LARS1: variants seen among roughly 807,000 people sequenced by gnomAD.
LARS1 encodes leucyl-tRNA synthetase 1, also known as leucine--tRNA ligase, cytoplasmic.
Under a neutral mutation model 162.8 loss-of-function variants are expected in LARS1, and 100 were observed. That is an observed-to-expected ratio of 0.61 (90% CI 0.52 to 0.73). The LOEUF is 0.73. Among genes scored for constraint, LARS1 ranks in the 30% least tolerant of loss-of-function variants. The pLI is 0.00. For missense variants in LARS1, 1,258 were observed against 1,408.9 expected (o/e 0.89, Z 1.71); for synonymous variants, 457 against 462.8 (o/e 0.99, Z 0.16).
In LARS1 at chr5:146,132,954, G is replaced by A; in HGVS notation, c.2340C>T (p.Asn780=). The A allele has an allele frequency of 1.2e-6, 2 of 1,614,108 alleles. No homozygotes were observed. Among genetic ancestry groups the A allele is most frequent in the Non-Finnish European group, 1.7e-6 (2 of 1,179,986 alleles). The change falls in exon 23 of 32, where the codon AAC becomes AAT. Residue 780 remains asparagine (N), a synonymous_variant. Coordinates refer to ENST00000394434, the MANE Select transcript of LARS1 (RefSeq NM_020117.11). ...CAGGACCACTTCTTAGGCTGTCCCA[G>A]TTGGCAACCATTTCTTTCACCCACT... ...WVEWVKEMVA[N]WDSLRSGPAS...
intron 1 of LARS1, 32 bp from the exon 2 acceptor site, chr5:146,177,697 T>C (rs1406597366): frequency 8.6e-7 from 1 of 1,160,922 alleles, no homozygotes; most frequent in Non-Finnish European, 1.3e-6. Context: ...ATCCACTCTG[T>C]ATTTCAGCAC....
intron 15 of LARS1, among the ~76,000 whole-genome samples, chr5:146,145,440 A>C (rs548353786): frequency 6.6e-6 from 1 of 152,270 alleles, no homozygotes; most frequent in East Asian, 1.9e-4. Flanking sequence ...AAGATATACA[A>C]AGACTAAACA....
At chr5:146,151,339 T>C (rs1753280534) in intron 14 of LARS1, among the ~76,000 whole-genome samples, 1 of 152,178 alleles carries the variant, frequency 6.6e-6, no homozygotes, top group South Asian at 2.1e-4. Flanking sequence ...TAATAACTTG[T>C]TTGGATTTTT....
In LARS1 at chr5:146,154,772, C is replaced by T. The variant is rs567230610; in HGVS notation, c.1066-792G>A. 1.3e-3 allele frequency among the ~76,000 whole-genome samples: 197 copies of T among 151,798 alleles called. 2 individuals carry two copies. The highest frequency in any genetic ancestry group is 4.4e-3 in the African/African-American group (183 of 41,390). On this transcript the variant is annotated intron_variant, in intron 10 of 31. Coordinates refer to ENST00000394434, the MANE Select transcript of LARS1 (RefSeq NM_020117.11). ...CAGCCTGGGTGACAGAGGGAGACCC[C>T]GTCTCAAAAAATAAAGAAAAGAATA...
At chr5:146,142,678 G>A in intron 20 of LARS1, 194 bp downstream of exon 20, 2 of 528,654 alleles carry the variant, frequency 3.8e-6, no homozygotes, top group Admixed American at 3.5e-5. Context: ...TGGTGCCTGG[G>A]GTAGGTATGT....
chr5:146,149,718 A>AG lies in LARS1; in HGVS notation c.1426-20dup. 1.3e-6 allele frequency: 2 copies of AG among 1,560,182 alleles called. No individual in the cohort carries two copies. The highest frequency in any genetic ancestry group is 1.8e-6 in the Non-Finnish European group (2 of 1,131,490). ...ACATGATCTAAAAGGATGAGAGGGG[A>AG]GAAAAACCACATATAAAACAGTTAG... On this transcript the variant is annotated intron_variant, in intron 14 of 31. Coordinates refer to ENST00000394434, the MANE Select transcript of LARS1 (RefSeq NM_020117.11).
chr5:146,120,415 TCA>T lies in LARS1; in HGVS notation c.3279_3280del (p.Cys1093Ter). 1 of 1,613,384 alleles carries T rather than the reference TCA, an allele frequency of 6.2e-7. No individual in the cohort carries two copies. The highest frequency in any genetic ancestry group is 8.5e-7 in the Non-Finnish European group (1 of 1,179,512). Reference sequence around the variant, plus strand: ...TTTCATTAAACGCCTGATTATGGAATCACAGTTATCTCCTTGCCTGATTTCAA... The same window carrying T: ...TTTCATTAAACGCCTGATTATGGAATCAGTTATCTCCTTGCCTGATTTCAA... On this transcript the variant is annotated stop_gained and frameshift_variant, in exon 31 of 32. Coordinates refer to ENST00000394434, the MANE Select transcript of LARS1 (RefSeq NM_020117.11). LOFTEE classifies it high-confidence loss of function.
intron 31 of LARS1, 103 bp downstream of exon 31, chr5:146,120,268 C>T: frequency 5.8e-6 from 7 of 1,208,868 alleles, no homozygotes; most frequent in Non-Finnish European, 8.4e-6. Flanking sequence ...TAATAATACA[C>T]AGCTGTCCAT....
chr5:146,116,396 A>T (rs1764212584), intron 31 of LARS1, among the ~76,000 whole-genome samples: 2 of 151,866 alleles, frequency 1.3e-5, no homozygotes, highest in Admixed American at 1.3e-4. Context: ...TCTAAAACAG[A>T]CCTCCCTCAT....
intron 20 of LARS1, chr5:146,142,640 A>G (rs772893342): frequency 8.9e-6 from 4 of 448,314 alleles, no homozygotes; most frequent in Non-Finnish European, 1.6e-5. Context: ...CTAGCAGACC[A>G]GCAATGCACC....
At chr5:146,163,310 T>G (rs929149401) in intron 6 of LARS1, among the ~76,000 whole-genome samples, 8 of 152,220 alleles carry the variant, frequency 5.3e-5, no homozygotes, top group African/African-American at 1.9e-4. Context: ...TGGACCAAAC[T>G]TTCTCCATAT....
At chr5:146,170,668 C>A (rs1045761860) in intron 4 of LARS1, among the ~76,000 whole-genome samples, 39 of 152,160 alleles carry the variant, frequency 2.6e-4, no homozygotes, top group African/African-American at 9.2e-4. Flanking sequence ...GTCATGATAT[C>A]TGCAACTTTC....
rs748608433 is a variant in LARS1 at position 146,164,484 on chromosome 5, G to A, written c.433-13C>T. On this transcript the variant is annotated splice_polypyrimidine_tract_variant and intron_variant, in intron 5 of 31. Transcript: ENST00000394434. ...CAGCAGCTTTACTCTGAAAATAATG[G>A]AGAAAAATAAACTCGATCAAAGAAT... is the stretch of plus-strand genomic sequence containing the variant. The A allele has an allele frequency of 1.9e-6, 3 of 1,611,392 alleles. No homozygotes were observed. Among genetic ancestry groups the A allele is most frequent in the Non-Finnish European group, 2.5e-6 (3 of 1,179,062 alleles).
At chr5:146,168,012 TAA>T in intron 5 of LARS1, 114 bp downstream of exon 5, 1 of 914,990 alleles carries the variant, frequency 1.1e-6, no homozygotes, top group Non-Finnish European at 1.6e-6. Context: ...TTTGATACTT[TAA>T]AAAAATGATC....
chr5:146,168,022 A>C, intron 5 of LARS1, 106 bp downstream of exon 5: 1 of 964,058 alleles, frequency 1.0e-6, no homozygotes, highest in Non-Finnish European at 1.5e-6. Flanking sequence ...TAAAAAAATG[A>C]TCTAGTACAT....
At chr5:146,151,635 TAG>T (rs537573656) in intron 14 of LARS1, among the ~76,000 whole-genome samples, 65 of 152,296 alleles carry the variant, frequency 4.3e-4, no homozygotes, top group Non-Finnish European at 7.5e-4. Flanking sequence ...ATTCACTCCA[TAG>T]AGATTCCTAG....
chr5:146,146,837 C>G (rs1052748538), intron 15 of LARS1, among the ~76,000 whole-genome samples: 1 of 151,618 alleles, frequency 6.6e-6, no homozygotes, highest in Non-Finnish European at 1.5e-5. Context: ...CCTCAGCCTC[C>G]CGAATAGCTG....
chr5:146,136,066 T>C (rs543065562), intron 21 of LARS1, among the ~76,000 whole-genome samples: 115 of 152,356 alleles, frequency 7.5e-4, no homozygotes, highest in South Asian at 6.8e-3. Context: ...AGTTATGATT[T>C]TAGGAACCCT....
Position 146,114,331 on chromosome 5 carries a change from C to T in LARS1, c.3326-20G>A. On this transcript the variant is annotated intron_variant, in intron 31 of 31. Transcript: ENST00000394434. Reference sequence around the variant, plus strand: ...AAAGGTCTACAACAAAATAAATTATCAATATAAGCATTTAATTACAGTCAC... The same window carrying T: ...AAAGGTCTACAACAAAATAAATTATTAATATAAGCATTTAATTACAGTCAC... 6.3e-7 allele frequency: 1 copy of T among 1,590,490 alleles called. No individual in the cohort carries two copies. Among genetic ancestry groups the T allele is most frequent in the Non-Finnish European group, 8.6e-7 (1 of 1,160,428 alleles).
Sources: gnomAD v4.1 joint callset for allele counts (sites outside exome capture counted in the v4.1 genomes callset) on GRCh38, gnomAD v4.1.1 for gene constraint, MANE v1.5 for transcripts, NCBI Gene and HGNC (gene_info 2026-07-23, HGNC 2026-07-21) for gene names.